The following DACH2 variants were observed in gnomAD, a reference collection of about 807,000 sequenced individuals.
DACH2 encodes the protein dachshund family transcription factor 2.
Under a neutral mutation model 35.8 loss-of-function variants are expected in DACH2, and 17 were observed. That is an observed-to-expected ratio of 0.48 (90% CI 0.33 to 0.71). The LOEUF is 0.71. Ranked by LOEUF, DACH2 falls within the 30% of genes least tolerant of loss-of-function variation. DACH2 has a pLI of 0.02. For synonymous variants in DACH2, 195 were observed against 177.3 expected, an observed-to-expected ratio of 1.10 and a Z score of -0.79; for missense variants, 469 against 472.7, an observed-to-expected ratio of 0.99 and a Z score of 0.07.
chrX:86,755,728 G>C (rs2041821638), intron 7 of DACH2, among the ~76,000 whole-genome samples: 1 of 106,974 alleles, frequency 9.3e-6, no homozygotes, highest in South Asian at 4.3e-4. Context: ...CTCCTGAGTA[G>C]CTGGGACTAC....
chrX:86,818,447 TA>T (rs1272881737), intron 11 of DACH2, among the ~76,000 whole-genome samples: 2 of 111,453 alleles, frequency 1.8e-5, no homozygotes, highest in Non-Finnish European at 3.8e-5. Context: ...TAAAAAGTAA[TA>T]AAAACATTAC....
At chrX:86,363,665 T>A (rs2035768650) in intron 1 of DACH2, among the ~76,000 whole-genome samples, 1 of 111,348 alleles carries the variant, frequency 9.0e-6, no homozygotes, top group Admixed American at 9.6e-5. Context: ...TGATGACAGT[T>A]AATCATAAAA....
At chrX:86,529,395 CT>C (rs1345193294) in intron 3 of DACH2, among the ~76,000 whole-genome samples, 3 of 109,352 alleles carry the variant, frequency 2.7e-5, no homozygotes, top group African/African-American at 1.0e-4. Flanking sequence ...GTTAACCAAC[CT>C]CTCTTCACCC....
intron 1 of DACH2, among the ~76,000 whole-genome samples, chrX:86,350,085 T>C (rs2035567751): frequency 8.9e-6 from 1 of 111,812 alleles, no homozygotes; most frequent in Non-Finnish European, 1.9e-5. Context: ...GGAGAATTGC[T>C]CCAACCTGGG....
chrX:86,613,421 T>C (rs1036633575), intron 3 of DACH2, among the ~76,000 whole-genome samples: 6 of 111,488 alleles, frequency 5.4e-5, no homozygotes, highest in Admixed American at 1.9e-4. Flanking sequence ...TCAATGCTTA[T>C]ATTAAAAAAA....
intron 1 of DACH2, among the ~76,000 whole-genome samples, chrX:86,296,237 C>T (rs777439195): frequency 6.8e-5 from 7 of 103,389 alleles, no homozygotes; most frequent in South Asian, 4.8e-4. Flanking sequence ...AAAAATTAGC[C>T]GGGCGTGATG....
intron 2 of DACH2, among the ~76,000 whole-genome samples, chrX:86,400,017 C>G (rs1232843861): frequency 2.7e-5 from 3 of 111,834 alleles, no homozygotes; most frequent in African/African-American, 9.8e-5. Flanking sequence ...TTCAGGTACA[C>G]CAATCAGATG....
intron 5 of DACH2, among the ~76,000 whole-genome samples, chrX:86,709,327 A>C (rs992078458): frequency 8.9e-6 from 1 of 111,770 alleles, no homozygotes; most frequent in African/African-American, 3.2e-5. Context: ...TTTTTCTACA[A>C]ATTACAGTGG....
chrX:86,806,023 G>A (rs1329693513), intron 7 of DACH2, among the ~76,000 whole-genome samples: 1 of 111,246 alleles, frequency 9.0e-6, no homozygotes, highest in Non-Finnish European at 1.9e-5. Flanking sequence ...CTGTTATCTA[G>A]TTCCAAAGCT....
chrX:86,717,230 C>T (rs1359538186), intron 6 of DACH2, among the ~76,000 whole-genome samples: 1 of 110,729 alleles, frequency 9.0e-6, no homozygotes, highest in African/African-American at 3.3e-5. Flanking sequence ...CATCATGCAC[C>T]CTATTCCATC....
At chrX:86,549,183 TG>T (rs1158901151) in intron 3 of DACH2, among the ~76,000 whole-genome samples, 3 of 111,951 alleles carry the variant, frequency 2.7e-5, no homozygotes, top group Non-Finnish European at 3.8e-5. Context: ...GGTTAATGGC[TG>T]GGAAAAAAAT....
At chrX:86,753,852 A>G (rs1444417560) in intron 7 of DACH2, among the ~76,000 whole-genome samples, 1 of 109,950 alleles carries the variant, frequency 9.1e-6, no homozygotes, top group African/African-American at 3.3e-5. Flanking sequence ...TTCAGCATCC[A>G]CACCTTACTT....
chrX:86,256,423 G>T (rs1041391256), intron 1 of DACH2, among the ~76,000 whole-genome samples: 3 of 111,162 alleles, frequency 2.7e-5, no homozygotes, highest in Non-Finnish European at 5.7e-5. Flanking sequence ...TTGAATTAAG[G>T]AAGCAGTTCT....
intron 1 of DACH2, among the ~76,000 whole-genome samples, chrX:86,267,227 A>G (rs1346856919): frequency 5.4e-5 from 6 of 111,304 alleles, no homozygotes; most frequent in African/African-American, 1.7e-4. Flanking sequence ...TAAGTGCTAG[A>G]AAATAGAGAT....
chrX:86,668,861 A>G (rs1417882827), intron 4 of DACH2, among the ~76,000 whole-genome samples: 1 of 111,805 alleles, frequency 8.9e-6, no homozygotes, highest in Non-Finnish European at 1.9e-5. Flanking sequence ...TTTATTCCTC[A>G]TAATGATCTC....
chrX:86,381,264 A>T (rs996977344), intron 2 of DACH2, among the ~76,000 whole-genome samples: 2 of 110,797 alleles, frequency 1.8e-5, no homozygotes, highest in South Asian at 7.5e-4. Context: ...TTAATGAATG[A>T]TCTGTTTGAA....
chrX:86,751,207 A>T (rs751376317), intron 7 of DACH2, among the ~76,000 whole-genome samples: 5 of 111,288 alleles, frequency 4.5e-5, no homozygotes, highest in Admixed American at 1.9e-4. Flanking sequence ...CTTGATAAAC[A>T]TCAAGGCAAA....
intron 2 of DACH2, among the ~76,000 whole-genome samples, chrX:86,421,590 C>A (rs2036804141): frequency 9.0e-6 from 1 of 111,382 alleles, no homozygotes; most frequent in African/African-American, 3.3e-5. Flanking sequence ...AAATCCCCAA[C>A]AAATGAAGTT....
At chrX:86,485,690 T>C (rs756455888) in intron 2 of DACH2, among the ~76,000 whole-genome samples, 5 of 111,706 alleles carry the variant, frequency 4.5e-5, no homozygotes, top group Non-Finnish European at 7.5e-5. Context: ...TTATAGTTTA[T>C]AGTAAATCAC....
Sources: allele counts gnomAD v4.1 joint callset (sites outside exome capture counted in the v4.1 genomes callset), GRCh38; gene constraint gnomAD v4.1.1; transcripts MANE v1.5; gene names NCBI Gene and HGNC (gene_info 2026-07-23, HGNC 2026-07-21).